SBF1: variants seen among roughly 807,000 people sequenced by gnomAD.
The protein encoded by SBF1 is myotubularin-related protein 5.
Under a neutral mutation model 215.8 loss-of-function variants are expected in SBF1, and 65 were observed. That is an observed-to-expected ratio of 0.30 (90% CI 0.25 to 0.37). SBF1 has a LOEUF of 0.37. Ranked by LOEUF, SBF1 falls within the 10% of genes least tolerant of loss-of-function variation. The pLI is 1.00. For missense variants in SBF1, 2,634 were observed against 2,667.8 expected (o/e 0.99, Z 0.28); for synonymous variants, 1,410 against 1,122.8 (o/e 1.26, Z -5.11).
Position 50,459,371 on chromosome 22 carries a change from C to T in SBF1, c.3710G>A (p.Ser1237Asn). 2.5e-6 allele frequency: 4 copies of T among 1,612,480 alleles called. No individual in the cohort carries two copies. The highest frequency in any genetic ancestry group is 3.4e-6 in the Non-Finnish European group (4 of 1,179,404). The change falls in exon 28 of 41, where the codon AGT (serine) becomes AAT (asparagine). Residue 1237 changes from serine to asparagine, a missense_variant. Physicochemically the swap from Ser to Asn is conservative, Grantham distance 46 (BLOSUM62 1). Transcript: ENST00000380817. ...PSPGQSQADS[S>N]SLEQEKYLQA... ...CAGGTACTTCTCCTGCTCCAGGCTA[C>T]TCGAGTCCGCCTGGGACTGGCCTGG...
rs376803955 is a variant in SBF1, at chr22:50,447,105, C to A, written c.*37G>T. 1 of 1,571,464 alleles carries A rather than the reference C, an allele frequency of 6.4e-7. No homozygotes were observed. On this transcript the variant is annotated 3_prime_UTR_variant, in exon 41 of 41. Transcript: ENST00000380817. ...CCTGCCCACCCCTAGTGGTCGGTAA[C>A]GACCGGAAGCAGAGCAGCCGGGCAG... is the stretch of plus-strand genomic sequence containing the variant.
At chr22:50,474,435 GAGGCCGGGC>G (rs570873390) in intron 1 of SBF1, among the ~76,000 whole-genome samples, 1 of 152,304 alleles carries the variant, frequency 6.6e-6, no homozygotes, top group African/African-American at 2.4e-5. Context: ...CCACCCCAAG[GAGGCCGGGC>G]AGGCCGGGCC....
At chr22:50,451,751 A>C (rs2067055136) in intron 36 of SBF1, among the ~76,000 whole-genome samples, 1 of 152,146 alleles carries the variant, frequency 6.6e-6, no homozygotes, top group African/African-American at 2.4e-5. Flanking sequence ...AATCAACACC[A>C]ACTTCTAAGC....
In SBF1 at chr22:50,464,970, A is replaced by G. The variant is rs2067685745; in HGVS notation, c.1332+31T>C. 4.4e-6 allele frequency: 7 copies of G among 1,583,944 alleles called. No individual in the cohort carries two copies. The East Asian group carries it at 1.4e-4, about 32-fold the overall frequency. ...AGCCATGGTCAGGCGGAGCCAGGGCAGGGGGCTGGGAGGGCAGGGTGGAGG... is the reference window on the plus strand; with the variant it reads ...AGCCATGGTCAGGCGGAGCCAGGGCGGGGGGCTGGGAGGGCAGGGTGGAGG... On this transcript the variant is annotated intron_variant, in intron 12 of 40. Transcript: ENST00000380817.
At position 50,461,849 on chromosome 22, in the gene SBF1, C is replaced by T. The variant is rs1556425629; in HGVS notation, c.2590G>A (p.Glu864Lys). ...MVPDIVQMHI[E>K]TLEAVQRESR... ...TCCCGCTGCACGGCCTCCAGGGTCT[C>T]GATGTGCATCTGGACAATGTCTGGG... Residue 864 changes from glutamate (E) to lysine (K), a missense_variant, in exon 21 of 41, where the codon GAG becomes AAG. Coordinates refer to ENST00000380817, the MANE Select transcript of SBF1 (RefSeq NM_002972.4). The T allele has an allele frequency of 1.2e-6, 2 of 1,613,800 alleles. No homozygotes were observed. Among genetic ancestry groups the T allele is most frequent in the Non-Finnish European group, 1.7e-6 (2 of 1,180,050 alleles).
chr22:50,456,408 C>T lies in SBF1; in HGVS notation c.4087-13G>A. On this transcript the variant is annotated splice_polypyrimidine_tract_variant and intron_variant, in intron 30 of 40. Coordinates refer to ENST00000380817, the MANE Select transcript of SBF1 (RefSeq NM_002972.4). ...CTGACCGCACACCCTGAAAAGAATCCGGACAAGTCCCGTGAGACACATGAG... is the reference window on the plus strand; with the variant it reads ...CTGACCGCACACCCTGAAAAGAATCTGGACAAGTCCCGTGAGACACATGAG... The T allele has an allele frequency of 2.5e-6, 4 of 1,610,448 alleles. No individual in the cohort carries two copies. The highest frequency in any genetic ancestry group is 3.4e-6 in the Non-Finnish European group (4 of 1,179,318).
chr22:50,467,412 C>T lies in SBF1; in HGVS notation c.475G>A (p.Gly159Ser). Residue 159 changes from glycine to serine, a missense_variant, in exon 5 of 41, where the codon GGC becomes AGC. Transcript: ENST00000380817. Reference sequence around the variant, plus strand: ...ACGTTCTCCAGGCACACATTCAGGCCCTCCACGTGGATGGCATAGATGAGG... The same window carrying T: ...ACGTTCTCCAGGCACACATTCAGGCTCTCCACGTGGATGGCATAGATGAGG... ...LGLIYAIHVE[G>S]LNVCLENVIG... is the part of the protein sequence containing the mutation. 1 of 1,614,200 alleles carries T rather than the reference C, an allele frequency of 6.2e-7. No individual in the cohort carries two copies. The highest frequency in any genetic ancestry group is 8.5e-7 in the Non-Finnish European group (1 of 1,180,036).
Position 50,467,604 on chromosome 22 carries a change from G to C in SBF1, c.366C>G (p.Ala122=). ...GQTHLSPTAP[A]PSAQLFAPKT... ...TCGGTGCAAACAGCTGGGCAGATGG[G>C]GCAGGTGCTGTGGGAGACAGGTGGG... The change falls in exon 4 of 41, where the codon GCC becomes GCG. Residue 122 remains alanine (A), a synonymous_variant. Transcript: ENST00000380817. 2 of 1,614,128 alleles carry C rather than the reference G, an allele frequency of 1.2e-6. No individual in the cohort carries two copies.
At chr22:50,460,786 CT>C (rs2067474612) in intron 23 of SBF1, 74 bp from the exon 24 acceptor site, 1 of 1,476,312 alleles carries the variant, frequency 6.8e-7, no homozygotes, top group Non-Finnish European at 9.3e-7. Flanking sequence ...CACTGCCAGG[CT>C]CCCCTTCCCC....
In SBF1 at chr22:50,464,397, G is replaced by T; in HGVS notation, c.1681C>A (p.Arg561=). The T allele has an allele frequency of 6.2e-7, 1 of 1,614,076 alleles. No individual in the cohort carries two copies. The highest frequency in any genetic ancestry group is 1.1e-5 in the South Asian group (1 of 91,070). Reference sequence around the variant, plus strand: ...CAGTTGCGCACAACCTCCAGCCGCCGGGCGCTGTTGACATGCAGCCCACTG... The same window carrying T: ...CAGTTGCGCACAACCTCCAGCCGCCTGGCGCTGTTGACATGCAGCCCACTG... ...RCSGLHVNSA[R]RLEVVRNCIS... Residue 561 remains arginine, a synonymous_variant, in exon 15 of 41, where the codon CGG becomes AGG. Coordinates refer to ENST00000380817, the MANE Select transcript of SBF1 (RefSeq NM_002972.4).
chr22:50,461,114 G>A (rs911203743), intron 23 of SBF1, 45 bp downstream of exon 23: 4 of 1,550,532 alleles, frequency 2.6e-6, no homozygotes, highest in Non-Finnish European at 2.6e-6. Flanking sequence ...GCAGGAGAAA[G>A]ACCAGGGCGG....
chr22:50,458,639 T>G (rs2067363396), intron 28 of SBF1, among the ~76,000 whole-genome samples: 1 of 151,044 alleles, frequency 6.6e-6, no homozygotes, highest in Non-Finnish European at 1.5e-5. Flanking sequence ...GACACAGGAG[T>G]GAGTGTGGGG....
At chr22:50,456,772 G>T in intron 29 of SBF1, 99 bp from the exon 30 acceptor site, 1 of 1,110,752 alleles carries the variant, frequency 9.0e-7, no homozygotes, top group Non-Finnish European at 1.3e-6. Flanking sequence ...TGAGCTCCCA[G>T]GGCAGGGGTG....
intron 1 of SBF1, among the ~76,000 whole-genome samples, chr22:50,474,207 C>T (rs542403509): frequency 2.0e-3 from 300 of 152,348 alleles, no homozygotes; most frequent in Admixed American, 3.0e-3. Flanking sequence ...CTTCTCTCTA[C>T]TCTCGACGCT....
At chr22:50,472,506 G>A (rs1312931192) in intron 1 of SBF1, among the ~76,000 whole-genome samples, 2 of 152,170 alleles carry the variant, frequency 1.3e-5, no homozygotes, top group Non-Finnish European at 1.5e-5. Flanking sequence ...CACACCTGCT[G>A]CTCAGTCACT....
intron 28 of SBF1, among the ~76,000 whole-genome samples, chr22:50,458,986 A>C (rs925062093): frequency 1.4e-4 from 21 of 152,204 alleles, no homozygotes; most frequent in African/African-American, 5.1e-4. Context: ...ACCCTACAGG[A>C]AGCTGCAGCA....
chr22:50,458,980 T>C (rs896021397), intron 28 of SBF1, among the ~76,000 whole-genome samples: 6 of 152,126 alleles, frequency 3.9e-5, no homozygotes, highest in Non-Finnish European at 8.8e-5. Context: ...CGGAGGACCC[T>C]ACAGGAAGCT....
chr22:50,463,040 G>A (rs1050055635), intron 16 of SBF1, 102 bp from the exon 17 acceptor site: 2 of 1,283,556 alleles, frequency 1.6e-6, no homozygotes, highest in Non-Finnish European at 2.2e-6. Context: ...ACCAGCACCT[G>A]ACACCCTTGG....
Position 50,459,376 on chromosome 22 carries a change from G to A in SBF1, c.3705C>T (p.Asp1235=), listed in dbSNP as rs1173425684. Residue 1235 remains aspartate (D), a synonymous_variant, in exon 28 of 41, where the codon GAC becomes GAT. Transcript: ENST00000380817. ...ACTTCTCCTGCTCCAGGCTACTCGAGTCCGCCTGGGACTGGCCTGGGGGAG... is the reference window on the plus strand; with the variant it reads ...ACTTCTCCTGCTCCAGGCTACTCGAATCCGCCTGGGACTGGCCTGGGGGAG... The part of the protein sequence containing the change: ...NAPSPGQSQA[D]SSSLEQEKYL... 1.1e-5 allele frequency: 17 copies of A among 1,612,278 alleles called. No homozygotes were observed. The highest frequency in any genetic ancestry group is 2.2e-5 in the East Asian group (1 of 44,852).
Sources: gnomAD v4.1 joint callset for allele counts (sites outside exome capture counted in the v4.1 genomes callset) on GRCh38, gnomAD v4.1.1 for gene constraint, MANE v1.5 for transcripts, NCBI Gene and HGNC (gene_info 2026-07-23, HGNC 2026-07-21) for gene names.